IGFL2: variants seen among roughly 807,000 people sequenced by gnomAD.
IGFL2 encodes IGF like family member 2.
Under a neutral mutation model 13.9 loss-of-function variants are expected in IGFL2, and 7 were observed. The ratio of observed to expected loss-of-function variants is 0.51; its 90% CI spans 0.29 to 0.95. The LOEUF (loss-of-function observed/expected upper bound fraction) is 0.95, where lower values mean the gene tolerates loss of function less well. IGFL2 is among the 40% of genes least tolerant of loss of function. The pLI, the probability that IGFL2 is intolerant of heterozygous loss-of-function variation, is 0.08. For synonymous variants in IGFL2, 55 were observed against 55.8 expected, an observed-to-expected ratio of 0.99 and a Z score of 0.07; for missense variants, 138 against 147.8, an observed-to-expected ratio of 0.93 and a Z score of 0.34.
the IGFL2 span, among the ~76,000 whole-genome samples, chr19:46,090,085 T>C: frequency 2.0e-5 from 3 of 152,168 alleles, no homozygotes; most frequent in Non-Finnish European, 4.4e-5. Context: ...TCAAATAACT[T>C]GTCTTCAAGT....
the IGFL2 span, among the ~76,000 whole-genome samples, chr19:46,125,056 C>G: frequency 6.6e-6 from 1 of 152,316 alleles, no homozygotes; most frequent in South Asian, 2.1e-4. Flanking sequence ...ACTTCCCCAT[C>G]TGGTTTCACA....
upstream of IGFL2, among the ~76,000 whole-genome samples, chr19:46,144,422 T>C (rs568035532): frequency 4.6e-5 from 7 of 152,296 alleles, no homozygotes; most frequent in African/African-American, 1.4e-4. Flanking sequence ...TGTTATTTTT[T>C]CCATGGCATA....
At chr19:46,131,102 T>A in the IGFL2 span, among the ~76,000 whole-genome samples, 2 of 152,194 alleles carry the variant, frequency 1.3e-5, no homozygotes, top group Non-Finnish European at 2.9e-5. Context: ...TGATGCTGAG[T>A]CTAAGTTAAT....
At chr19:46,190,863 C>A in the IGFL2 span, among the ~76,000 whole-genome samples, 1 of 152,192 alleles carries the variant, frequency 6.6e-6, no homozygotes, top group African/African-American at 2.4e-5. Flanking sequence ...AAGACAATCC[C>A]TGAGACTCTG....
At chr19:46,106,279 G>A in the IGFL2 span, among the ~76,000 whole-genome samples, 2 of 152,194 alleles carry the variant, frequency 1.3e-5, no homozygotes, top group East Asian at 1.9e-4. Flanking sequence ...GCAGGAGGGT[G>A]CCCTGTTGGG....
chr19:46,212,713 T>TTCTCTCTCTCTCTCTCTCTCTCTCTC, the IGFL2 span: 94 of 148,688 alleles, frequency 6.3e-4, no homozygotes, highest in African/African-American at 2.1e-3. Context: ...TTCTCCTACC[T>TTCTCTCTCTCTCTCTCTCTCTCTCTC]TCTCTCTCTC....
At chr19:46,177,919 G>T in the IGFL2 span, among the ~76,000 whole-genome samples, 1 of 152,172 alleles carries the variant, frequency 6.6e-6, no homozygotes, top group African/African-American at 2.4e-5. Context: ...AGGGAGGTCA[G>T]ACACCCCTTG....
At chr19:46,189,424 G>T in the IGFL2 span, among the ~76,000 whole-genome samples, 1 of 152,142 alleles carries the variant, frequency 6.6e-6, no homozygotes, top group Non-Finnish European at 1.5e-5. Context: ...CTGCGGGCAG[G>T]CCTGACGGAT....
At chr19:46,094,928 G>A in the IGFL2 span, among the ~76,000 whole-genome samples, 310 of 152,136 alleles carry the variant, frequency 2.0e-3, no homozygotes, top group African/African-American at 7.1e-3. Flanking sequence ...CTAGTCTATC[G>A]TTGATGGGCA....
At chr19:46,199,480 T>C in the IGFL2 span, among the ~76,000 whole-genome samples, 718 of 152,190 alleles carry the variant, frequency 4.7e-3, no homozygotes, top group Non-Finnish European at 7.8e-3. Context: ...TGCAAAGGCT[T>C]TTTTGACACC....
chr19:46,080,051 C>T, the IGFL2 span, among the ~76,000 whole-genome samples: 1 of 152,202 alleles, frequency 6.6e-6, no homozygotes, highest in East Asian at 1.9e-4. Flanking sequence ...AGGCTACCAC[C>T]TGACTGCAGG....
upstream of IGFL2, among the ~76,000 whole-genome samples, chr19:46,144,071 G>A (rs969757709): frequency 6.6e-6 from 1 of 152,172 alleles, no homozygotes; most frequent in South Asian, 2.1e-4. Flanking sequence ...TTACAGCAGC[G>A]GTTGGCATAC....
chr19:46,120,419 C>G, the IGFL2 span: 7 of 1,603,658 alleles, frequency 4.4e-6, no homozygotes, highest in South Asian at 7.8e-5. Flanking sequence ...AAAATTATCC[C>G]CTACAAAAGC....
the IGFL2 span, among the ~76,000 whole-genome samples, chr19:46,115,430 A>G: frequency 1.0e-3 from 152 of 152,292 alleles, no homozygotes; most frequent in African/African-American, 3.6e-3. Flanking sequence ...ACAAGACAAA[A>G]TGAAATGCAG....
chr19:46,091,862 CA>C, the IGFL2 span, among the ~76,000 whole-genome samples: 1 of 152,132 alleles, frequency 6.6e-6, no homozygotes, highest in Non-Finnish European at 1.5e-5. Context: ...TGAACTCAAA[CA>C]GCATGATAAA....
At chr19:46,199,336 G>C in the IGFL2 span, among the ~76,000 whole-genome samples, 14 of 152,240 alleles carry the variant, frequency 9.2e-5, no homozygotes. Context: ...TAGAGGTAGA[G>C]TTCCAACCCC....
At chr19:46,130,274 A>G in the IGFL2 span, among the ~76,000 whole-genome samples, 8 of 152,228 alleles carry the variant, frequency 5.3e-5, no homozygotes, top group Middle Eastern at 6.8e-3. Flanking sequence ...GACTGCATGC[A>G]GTTTCAAGGG....
the IGFL2 span, among the ~76,000 whole-genome samples, chr19:46,079,067 A>C: frequency 8.1e-6 from 1 of 124,166 alleles, no homozygotes; most frequent in Non-Finnish European, 1.7e-5. Context: ...GTCAGTAGAC[A>C]TCGCGCAGGC....
At chr19:46,091,947 A>C in the IGFL2 span, among the ~76,000 whole-genome samples, 4 of 152,224 alleles carry the variant, frequency 2.6e-5, no homozygotes, top group Non-Finnish European at 5.9e-5. Flanking sequence ...AAAATCTATA[A>C]AAATGCAATG....
Sources: allele counts gnomAD v4.1 joint callset (sites outside exome capture counted in the v4.1 genomes callset), GRCh38; gene constraint gnomAD v4.1.1; transcripts MANE v1.5; gene names NCBI Gene and HGNC (gene_info 2026-07-23, HGNC 2026-07-21).